Variants in ASIC2 observed in about 807,000 individuals in gnomAD.
ASIC2 encodes the protein acid-sensing ion channel 2.
In ASIC2, 25 loss-of-function variants were observed where a neutral mutation model predicts 57.3. The observed-to-expected ratio is 0.44, with a 90% CI of 0.32 to 0.61. The LOEUF is 0.61. ASIC2 is among the 20% of genes least tolerant of loss of function. The pLI, the probability that ASIC2 is intolerant of heterozygous loss-of-function variation, is 0.06. For synonymous variants in ASIC2, 319 were observed against 307.5 expected (o/e 1.04, Z -0.39); for missense variants, 641 against 738.1 (o/e 0.87, Z 1.52).
chr17:33,982,306 T>C (rs1194199923), intron 1 of ASIC2, among the ~76,000 whole-genome samples: 2 of 152,230 alleles, frequency 1.3e-5, no homozygotes, highest in Non-Finnish European at 2.9e-5. Context: ...TGCAATTAAC[T>C]GGTCCCTGCT....
At chr17:33,496,603 G>GTTTTTTTTTT (rs61267122) in intron 1 of ASIC2, among the ~76,000 whole-genome samples, 2 of 70,996 alleles carry the variant, frequency 2.8e-5, no homozygotes, top group Admixed American at 1.9e-4. Context: ...GTTATTGTAG[G>GTTTTTTTTTT]TTTTTTTTTT....
intron 1 of ASIC2, among the ~76,000 whole-genome samples, chr17:33,127,567 C>T (rs1283198897): frequency 6.6e-6 from 1 of 152,214 alleles, no homozygotes; most frequent in Non-Finnish European, 1.5e-5. Flanking sequence ...CCAAATTCAA[C>T]TGAAGTTTCA....
chr17:33,914,374 T>C (rs1430473106), intron 1 of ASIC2, among the ~76,000 whole-genome samples: 3 of 152,108 alleles, frequency 2.0e-5, no homozygotes, highest in African/African-American at 4.8e-5. Flanking sequence ...TGTGAGTCAG[T>C]TGGGGTGGAC....
chr17:33,177,950 GC>G (rs1245531692), intron 1 of ASIC2, among the ~76,000 whole-genome samples: 3 of 152,064 alleles, frequency 2.0e-5, no homozygotes, highest in African/African-American at 7.2e-5. Context: ...AAAACTGAGG[GC>G]CTTTTCTCCA....
At chr17:33,562,425 C>G (rs1455086983) in intron 1 of ASIC2, among the ~76,000 whole-genome samples, 1 of 152,158 alleles carries the variant, frequency 6.6e-6, no homozygotes, top group African/African-American at 2.4e-5. Flanking sequence ...TTCAAATTGC[C>G]ATTCCCATTC....
At chr17:33,191,031 TA>T (rs1405022206) in intron 1 of ASIC2, among the ~76,000 whole-genome samples, 3 of 152,210 alleles carry the variant, frequency 2.0e-5, no homozygotes, top group Non-Finnish European at 1.5e-5. Flanking sequence ...CATGGATGTT[TA>T]TAGCAGCTTT....
At chr17:33,714,425 A>C (rs1909146370) in intron 1 of ASIC2, among the ~76,000 whole-genome samples, 1 of 152,246 alleles carries the variant, frequency 6.6e-6, no homozygotes, top group Non-Finnish European at 1.5e-5. Flanking sequence ...TACAGCAATT[A>C]AACAGACTAG....
intron 1 of ASIC2, among the ~76,000 whole-genome samples, chr17:33,241,420 C>G (rs552020585): frequency 9.2e-5 from 14 of 152,340 alleles, no homozygotes; most frequent in African/African-American, 2.9e-4. Flanking sequence ...CTTCTCTGCT[C>G]TCACCACATG....
chr17:34,091,218 C>T (rs1159426705), intron 1 of ASIC2, among the ~76,000 whole-genome samples: 2 of 152,256 alleles, frequency 1.3e-5, no homozygotes, highest in Non-Finnish European at 2.9e-5. Flanking sequence ...AAGTCTCAAC[C>T]TCTTTGTGCT....
At chr17:33,826,866 G>A (rs8065362) in intron 1 of ASIC2, among the ~76,000 whole-genome samples, 123,277 of 151,866 alleles carry the variant, frequency 0.81, 50,391 homozygotes, top group African/African-American at 0.85. Context: ...AAGCAGTACA[G>A]ATATACTCCA....
chr17:33,863,471 A>C (rs1230566759), intron 1 of ASIC2, among the ~76,000 whole-genome samples: 1 of 152,238 alleles, frequency 6.6e-6, no homozygotes, highest in Non-Finnish European at 1.5e-5. Context: ...TGGGAATGAC[A>C]TGGCCAAACA....
intron 2 of ASIC2, among the ~76,000 whole-genome samples, chr17:33,091,805 G>A (rs1028075661): frequency 5.3e-5 from 8 of 152,326 alleles, no homozygotes; most frequent in Admixed American, 2.6e-4. Flanking sequence ...AGAGCACTGC[G>A]GACCAGTGGA....
intron 1 of ASIC2, among the ~76,000 whole-genome samples, chr17:33,973,288 G>A (rs1302569364): frequency 6.6e-6 from 1 of 152,220 alleles, no homozygotes; most frequent in Non-Finnish European, 1.5e-5. Context: ...GATCTAGGGA[G>A]AGCAGCCAGC....
At chr17:33,783,432 T>C (rs1050837879) in intron 1 of ASIC2, among the ~76,000 whole-genome samples, 2 of 152,256 alleles carry the variant, frequency 1.3e-5, no homozygotes, top group African/African-American at 4.8e-5. Context: ...AAGGAATTCA[T>C]GCATGTAAAT....
chr17:33,357,198 G>A (rs1272788057), intron 1 of ASIC2, among the ~76,000 whole-genome samples: 1 of 152,078 alleles, frequency 6.6e-6, no homozygotes, highest in Non-Finnish European at 1.5e-5. Context: ...TCCTCAGGAA[G>A]TCCCTCCAAG....
chr17:34,099,137 AGAGAGAGACAGAGAGAG>A (rs1910675763), intron 1 of ASIC2, among the ~76,000 whole-genome samples: 1 of 22,486 alleles, frequency 4.4e-5, no homozygotes, highest in Admixed American at 5.9e-4. Flanking sequence ...AGAGAGAGAG[AGAGAGAGACAGAGAGAG>A]AGAGAGAGAG....
intron 1 of ASIC2, among the ~76,000 whole-genome samples, chr17:33,949,697 A>T (rs1904497583): frequency 6.6e-6 from 1 of 152,210 alleles, no homozygotes; most frequent in Non-Finnish European, 1.5e-5. Flanking sequence ...AGTTACTGGC[A>T]TATATGAACC....
chr17:33,345,577 C>T (rs1245973196), intron 1 of ASIC2, among the ~76,000 whole-genome samples: 1 of 152,136 alleles, frequency 6.6e-6, no homozygotes, highest in Admixed American at 6.5e-5. Context: ...GAGGAAATCC[C>T]AAACAGAGAG....
intron 1 of ASIC2, among the ~76,000 whole-genome samples, chr17:34,072,730 G>A (rs1177097232): frequency 6.6e-6 from 1 of 152,164 alleles, no homozygotes; most frequent in African/African-American, 2.4e-5. Context: ...TTCGCTTCAT[G>A]TGATGGACGA....
Sources: allele counts gnomAD v4.1 joint callset (sites outside exome capture counted in the v4.1 genomes callset), GRCh38; gene constraint gnomAD v4.1.1; transcripts MANE v1.5; gene names NCBI Gene and HGNC (gene_info 2026-07-23, HGNC 2026-07-21).